The following LIMCH1 variants were observed in gnomAD, a reference collection of about 807,000 sequenced individuals.
LIMCH1 encodes LIM and calponin homology domains 1.
Under a neutral mutation model 176.5 loss-of-function variants are expected in LIMCH1, and 113 were observed. That is an observed-to-expected ratio of 0.64 (90% confidence interval 0.55 to 0.75). The LOEUF (loss-of-function observed/expected upper bound fraction) is 0.75. Ranked by LOEUF, LIMCH1 falls within the 30% of genes least tolerant of loss-of-function variation. The pLI is 0.00. For synonymous variants in LIMCH1, 619 were observed against 645.9 expected (o/e 0.96, Z 0.63); for missense variants, 1,674 against 1,814.9 (o/e 0.92, Z 1.41).
At position 41,633,697 on chromosome 4, in the gene LIMCH1, G is replaced by C. The variant is rs1295857807; in HGVS notation, c.1979G>C (p.Gly660Ala). ...GATGACATGATGGCCAGGAGAACTG[G>C]GATGTCCCTTAGACACACTGGATCC... Reference protein sequence around the residue: ...RKDDMMARRTGMSLRHTGSNP... With the variant: ...RKDDMMARRTAMSLRHTGSNP... The change falls in exon 13 of 32, where the codon GGG becomes GCG. Residue 660 changes from glycine to alanine, a missense_variant. Coordinates refer to ENST00000503057, the MANE Select transcript of LIMCH1 (RefSeq NM_001330672.2). The C allele has an allele frequency of 6.5e-7, 1 of 1,536,162 alleles. No individual in the cohort carries two copies.
Position 41,485,709 on chromosome 4 carries a change from C to G in LIMCH1, c.97-8827C>G, listed in dbSNP as rs531552076. ...CATTAGGGAACTATGAGAACTTTCA[C>G]TTAACCTTGAGTGAGATGGGGAGCT... On this transcript the variant is annotated intron_variant, in intron 1 of 26. Transcript: ENST00000313860. Among the ~76,000 whole-genome samples the G allele has an allele frequency of 8.5e-5, 13 of 152,280 alleles. No homozygotes were observed. In the South Asian group the frequency reaches 2.7e-3, roughly 32 times the overall value.
intron 1 of LIMCH1, among the ~76,000 whole-genome samples, chr4:41,565,388 C>CACAT (rs2082620279): frequency 6.9e-6 from 1 of 145,634 alleles, no homozygotes; most frequent in African/African-American, 2.6e-5. Flanking sequence ...CACACATACA[C>CACAT]ACACACACAG....
intron 2 of LIMCH1, among the ~76,000 whole-genome samples, chr4:41,499,547 C>T (rs866800439): frequency 6.6e-6 from 1 of 152,204 alleles, no homozygotes; most frequent in African/African-American, 2.4e-5. Context: ...TGGCCGGGAG[C>T]GATGGCTCAC....
intron 2 of LIMCH1, among the ~76,000 whole-genome samples, chr4:41,599,707 A>C (rs1403536869): frequency 5.3e-5 from 8 of 152,338 alleles, no homozygotes; most frequent in Non-Finnish European, 2.9e-5. Context: ...AACATTTTCC[A>C]CTTTAGCCAA....
chr4:41,492,870 A>G (rs185049207), intron 1 of LIMCH1, among the ~76,000 whole-genome samples: 8 of 152,062 alleles, frequency 5.3e-5, no homozygotes, highest in Admixed American at 5.2e-4. Flanking sequence ...AAATGATTTT[A>G]TTTCTGTTGT....
intron 1 of LIMCH1, among the ~76,000 whole-genome samples, chr4:41,436,663 T>C (rs1252252103): frequency 6.6e-6 from 1 of 152,152 alleles, no homozygotes; most frequent in Non-Finnish European, 1.5e-5. Flanking sequence ...GGAGACAGAA[T>C]GCAGAAATTT....
intron 7 of LIMCH1, among the ~76,000 whole-genome samples, chr4:41,621,295 AC>A (rs1327483730): frequency 6.6e-6 from 1 of 152,142 alleles, no homozygotes; most frequent in East Asian, 1.9e-4. Context: ...GCTTCATATT[AC>A]ATGTGAGATG....
At position 41,667,940 on chromosome 4, in the gene LIMCH1, G is replaced by A. The variant is rs555212975; in HGVS notation, c.3397+1274G>A. ...TGAGGCCAGCAGTTGAGACCAGCCTGTGCAACATAGCAAGACTTTGTCGCT... is the reference window on the plus strand; with the variant it reads ...TGAGGCCAGCAGTTGAGACCAGCCTATGCAACATAGCAAGACTTTGTCGCT... On this transcript the variant is annotated intron_variant, in intron 21 of 31. Transcript: ENST00000503057. Among the ~76,000 whole-genome samples the A allele has an allele frequency of 4.2e-3, 635 of 150,582 alleles. 3 individuals are homozygous for A. The highest frequency in any genetic ancestry group is 0.014 in the African/African-American group (560 of 40,862).
At chr4:41,590,216 C>T (rs2152717431) in intron 1 of LIMCH1, among the ~76,000 whole-genome samples, 1 of 152,180 alleles carries the variant, frequency 6.6e-6, no homozygotes, top group East Asian at 1.9e-4. Context: ...TCTCAGCCTC[C>T]CGAGTAGTTG....
intron 19 of LIMCH1, 39 bp from the exon 20 acceptor site, chr4:41,662,782 T>C (rs1347873360): frequency 1.2e-6 from 2 of 1,609,714 alleles, no homozygotes; most frequent in South Asian, 1.1e-5. Context: ...TTTGATTTTC[T>C]TTTCCTTCTG....
intron 1 of LIMCH1, among the ~76,000 whole-genome samples, chr4:41,491,257 C>T (rs1158985037): frequency 6.7e-6 from 1 of 149,744 alleles, no homozygotes; most frequent in African/African-American, 2.5e-5. Flanking sequence ...CAGAGGCGCT[C>T]CTCACCTCCT....
intron 1 of LIMCH1, among the ~76,000 whole-genome samples, chr4:41,490,035 A>G (rs1011831180): frequency 6.6e-6 from 1 of 152,196 alleles, no homozygotes; most frequent in Non-Finnish European, 1.5e-5. Flanking sequence ...GTGGATTATC[A>G]TAAAGGTATT....
intron 1 of LIMCH1, among the ~76,000 whole-genome samples, chr4:41,589,262 C>G (rs1452296639): frequency 6.6e-6 from 1 of 152,098 alleles, no homozygotes. Flanking sequence ...TATTGTTGTT[C>G]TAGGTGATAT....
chr4:41,527,649 C>T (rs1485127069), intron 3 of LIMCH1, among the ~76,000 whole-genome samples: 1 of 152,078 alleles, frequency 6.6e-6, no homozygotes, highest in Non-Finnish European at 1.5e-5. Context: ...CGGTAAAACT[C>T]CGTCTCTACT....
intron 18 of LIMCH1, among the ~76,000 whole-genome samples, chr4:41,656,275 G>A (rs374915512): frequency 1.2e-4 from 19 of 152,250 alleles, no homozygotes; most frequent in East Asian, 9.7e-4. Context: ...AGTAGGTGCC[G>A]TTTTTCTTAT....
chr4:41,685,665 G>A (rs745703212), intron 27 of LIMCH1, 45 bp from the exon 28 acceptor site: 2 of 1,608,880 alleles, frequency 1.2e-6, no homozygotes, highest in South Asian at 2.2e-5. Context: ...AGGTAGTAAG[G>A]TGATTTTACT....
rs1044389342 is a variant in LIMCH1 at position 41,700,020 on chromosome 4, T to C, written c.*2835T>C. The stretch of plus-strand genomic sequence containing the variant: ...CAACAGCTTTTATAGTAAATGTACA[T>C]TTATAAATAAAATACTCAAATCAAC... On this transcript the variant is annotated 3_prime_UTR_variant, in exon 32 of 32. Transcript: ENST00000503057. The C allele has an allele frequency of 2.0e-5, 3 of 152,216 alleles. No homozygotes were observed. Among genetic ancestry groups the C allele is most frequent in the African/African-American group, 7.2e-5 (3 of 41,450 alleles). The allele number at this position is 152,216 out of a possible 1,614,324, so 9.4% of individuals were successfully genotyped here. A position where few individuals can be genotyped will look rare whatever the true frequency, so the allele number is the denominator to read the frequency against.
intron 1 of LIMCH1, among the ~76,000 whole-genome samples, chr4:41,429,318 A>G (rs901784895): frequency 3.3e-5 from 5 of 151,742 alleles, no homozygotes; most frequent in Admixed American, 1.3e-4. Context: ...GCTCTGACCC[A>G]TGGGTTTTTT....
intron 1 of LIMCH1, among the ~76,000 whole-genome samples, chr4:41,543,856 G>A (rs575987412): frequency 1.3e-5 from 2 of 152,192 alleles, no homozygotes; most frequent in African/African-American, 4.8e-5. Flanking sequence ...TTAAGTGAAC[G>A]ATTGTTTCAC....
Sources: gnomAD v4.1 joint callset for allele counts (sites outside exome capture counted in the v4.1 genomes callset) on GRCh38, gnomAD v4.1.1 for gene constraint, MANE v1.5 for transcripts, NCBI Gene and HGNC (gene_info 2026-07-23, HGNC 2026-07-21) for gene names.